Variants in TASOR2 observed in about 807,000 individuals in gnomAD.
TASOR2 encodes the protein protein TASOR 2.
A neutral mutation model predicts 199.5 loss-of-function variants in TASOR2; 84 were observed. That is an observed-to-expected ratio of 0.42 (90% CI 0.35 to 0.50). TASOR2 has a LOEUF of 0.50. Among genes scored for constraint, TASOR2 ranks in the 20% least tolerant of loss-of-function variants. The pLI, the probability that TASOR2 is intolerant of heterozygous loss-of-function variation, is 0.02. For synonymous variants in TASOR2, 1,103 were observed against 1,046.6 expected (o/e 1.05, Z -1.04); for missense variants, 2,796 against 2,835.9 (o/e 0.99, Z 0.32).
chr10:5,731,694 C>G lies in TASOR2; in HGVS notation c.1204+491C>G, dbSNP rs60090681. Among the ~76,000 whole-genome samples the G allele has an allele frequency of 7.8e-3, 1,192 of 152,254 alleles. 22 individuals carry two copies. The highest frequency in any genetic ancestry group is 0.027 in the African/African-American group (1,104 of 41,520). On this transcript the variant is annotated intron_variant, in intron 11 of 20. Coordinates refer to ENST00000328090, the Ensembl canonical transcript of TASOR2. ...CTCTGATTGAGATAGCAACTGAAAACCAAGAAATAGGAAAGACCAAGATAC... is the reference window on the plus strand; with the variant it reads ...CTCTGATTGAGATAGCAACTGAAAAGCAAGAAATAGGAAAGACCAAGATAC...
chr10:5,761,675 A>T, intron 19 of TASOR2: 1 of 568,826 alleles, frequency 1.8e-6, no homozygotes, highest in Non-Finnish European at 3.1e-6. Flanking sequence ...CTATGTATGT[A>T]AGTCAGTTCT....
chr10:5,763,198 TCA>T (rs1020538294), exon 21 of TASOR2: 7 of 608,984 alleles, frequency 1.1e-5, no homozygotes, highest in East Asian at 6.1e-5. Flanking sequence ...CTGAAATATG[TCA>T]CAGTGGCATT....
intron 1 of TASOR2, among the ~76,000 whole-genome samples, chr10:5,703,523 T>TTTTTGG (rs71388468): frequency 6.8e-6 from 1 of 146,058 alleles, no homozygotes; most frequent in Non-Finnish European, 1.5e-5. Context: ...TTTTTTTTTT[T>TTTTTGG]GAGACAGTCT....
exon 13 of TASOR2, chr10:5,739,684 G>C (rs762002335): frequency 6.2e-7 from 1 of 1,613,950 alleles, no homozygotes; most frequent in South Asian, 1.1e-5. Flanking sequence ...GATGGGATTA[G>C]CATAAATAGT....
chr10:5,742,266 T>C lies in TASOR2; in HGVS notation c.2497T>C (p.Cys833Arg). The change falls in exon 14 of 21, where the codon TGT (cysteine) becomes CGT (arginine). Residue 833 changes from cysteine to arginine, a missense_variant. Coordinates refer to ENST00000328090, the Ensembl canonical transcript of TASOR2. This position sits in a 1 kb window ranked among gnomAD's most constrained non-coding sequence, Gnocchi z 4.2. ...GTCTATAAATAGCACGTTAGAATCT[T>C]GTGAGCTCCGTGAAATTGAGGAGTC... 6.2e-7 allele frequency: 1 copy of C among 1,614,188 alleles called. No individual in the cohort carries two copies. The highest frequency in any genetic ancestry group is 8.5e-7 in the Non-Finnish European group (1 of 1,180,030).
intron 2 of TASOR2, chr10:5,714,191 G>A (rs929346264): frequency 2.7e-5 from 33 of 1,231,676 alleles, no homozygotes; most frequent in Non-Finnish European, 3.2e-5. Flanking sequence ...TTACCACTCT[G>A]GGTGATCCAG....
intron 1 of TASOR2, among the ~76,000 whole-genome samples, chr10:5,695,993 A>C (rs1432859779): frequency 6.6e-6 from 1 of 152,184 alleles, no homozygotes; most frequent in Non-Finnish European, 1.5e-5. Flanking sequence ...CACCCAGACA[A>C]CTACTCTCTC....
In TASOR2 at chr10:5,730,621, C is replaced by T. The variant is rs1834683112; in HGVS notation, c.622C>T (p.Arg208Cys). The change falls in exon 11 of 21, where the codon CGT becomes TGT. Residue 208 changes from arginine (R) to cysteine (C), a missense_variant. By Grantham distance (180) the Arg-to-Cys change is radical. This residue lies in a region of TASOR2 where 847 missense variants were observed against 887.4 expected (regional missense o/e 0.95). Transcript: ENST00000328090. The surrounding 1 kb of genome is among the most constrained non-coding windows in gnomAD (Gnocchi z 4.1). Reference sequence around the variant, plus strand: ...AATCCATCCAAACACATTAGTAAAGCGTCATTTCCAAGAATTGTACAAGGC... The same window carrying T: ...AATCCATCCAAACACATTAGTAAAGTGTCATTTCCAAGAATTGTACAAGGC... 4.3e-6 allele frequency: 7 copies of T among 1,614,154 alleles called. No individual in the cohort carries two copies. The highest frequency in any genetic ancestry group is 4.2e-6 in the Non-Finnish European group (5 of 1,180,020).
chr10:5,723,336 G>A (rs1024436168), intron 6 of TASOR2, among the ~76,000 whole-genome samples: 1 of 151,954 alleles, frequency 6.6e-6, no homozygotes, highest in Admixed American at 6.6e-5. Flanking sequence ...GATTACAGGC[G>A]TGAGCCACCG....
intron 10 of TASOR2, among the ~76,000 whole-genome samples, chr10:5,729,681 T>C (rs944944323): frequency 9.2e-5 from 14 of 152,382 alleles, no homozygotes; most frequent in Admixed American, 2.0e-4. Flanking sequence ...GAAGTTACTT[T>C]TCTTTAAAAA....
At chr10:5,686,231 A>G in intron 1 of TASOR2, among the ~76,000 whole-genome samples, 1 of 152,248 alleles carries the variant, frequency 6.6e-6, no homozygotes, top group East Asian at 1.9e-4. Context: ...TTTTGTGTAT[A>G]CAGAACATTT....
chr10:5,693,622 A>G (rs138798209), intron 1 of TASOR2, among the ~76,000 whole-genome samples: 7 of 152,366 alleles, frequency 4.6e-5, no homozygotes, highest in African/African-American at 1.7e-4. Context: ...GGGCAACCTC[A>G]TCCCTGGAGG....
chr10:5,721,392 T>C (rs1393112073), intron 6 of TASOR2, among the ~76,000 whole-genome samples: 1 of 152,236 alleles, frequency 6.6e-6, no homozygotes, highest in Admixed American at 6.5e-5. Flanking sequence ...TTATCATGAT[T>C]AATATTTTCT....
intron 1 of TASOR2, among the ~76,000 whole-genome samples, chr10:5,695,382 A>T (rs929703817): frequency 7.9e-5 from 12 of 152,236 alleles, no homozygotes; most frequent in African/African-American, 2.9e-4. Flanking sequence ...CTTTTTATGC[A>T]TTTGAGTAAA....
Position 5,708,535 on chromosome 10 carries a change from CCTTT to C in TASOR2, c.-287-4281_-287-4278del, listed in dbSNP as rs1172319011. Among the ~76,000 whole-genome samples, 52 of 151,060 alleles carry C rather than the reference CCTTT, an allele frequency of 3.4e-4. 2 individuals are homozygous for C. Among genetic ancestry groups the C allele is most frequent in the Admixed American group, 3.2e-3 (49 of 15,246 alleles). On this transcript the variant is annotated intron_variant, in intron 1 of 20. Transcript: ENST00000328090. ...TAACTTGCTTGCTTTCTCTTTCTTTCCTTTCTTTCTCTTTCTTTCTTTCTTTTTC... is the reference window on the plus strand; with the variant it reads ...TAACTTGCTTGCTTTCTCTTTCTTTCCTTTCTCTTTCTTTCTTTCTTTTTC...
intron 2 of TASOR2, chr10:5,714,443 C>T (rs768019794): frequency 4.9e-5 from 16 of 327,258 alleles, no homozygotes; most frequent in Middle Eastern, 8.3e-4. Context: ...TCTAAATTGT[C>T]ACAATGGCAA....
At chr10:5,749,752 A>G in exon 15 of TASOR2, 9 of 1,614,220 alleles carry the variant, frequency 5.6e-6, no homozygotes, top group Non-Finnish European at 7.6e-6. Context: ...TATTTCACTT[A>G]TTCTCAATGA....
chr10:5,748,775 G>T lies in TASOR2; in HGVS notation c.5354G>T (p.Cys1785Phe). 6.2e-7 allele frequency: 1 copy of T among 1,614,158 alleles called. No individual in the cohort carries two copies. The highest frequency in any genetic ancestry group is 8.5e-7 in the Non-Finnish European group (1 of 1,180,020). ...TCAGAATCCTTTGATACTTCTGTTT[G>T]TGGAATAGCCACAGAGCACGTAGAA... Residue 1785 changes from cysteine to phenylalanine, a missense_variant, in exon 15 of 21, where the codon TGT (cysteine) becomes TTT (phenylalanine). Cys to Phe is a radical substitution (Grantham distance 205). Coordinates refer to ENST00000328090, the Ensembl canonical transcript of TASOR2. This position sits in a 1 kb window ranked among gnomAD's most constrained non-coding sequence, Gnocchi z 5.1.
In TASOR2 at chr10:5,747,090, C is replaced by T. The variant is rs765815650; in HGVS notation, c.3669C>T (p.Cys1223=). ...TGGGAAGGCAGTGTTCACTTAACTG[C>T]ATTTCGTCAGGATGCCACACATCAG... Residue 1223 remains cysteine (C), a synonymous_variant, in exon 15 of 21, where the codon TGC becomes TGT. Transcript: ENST00000328090. 55 of 1,614,006 alleles carry T rather than the reference C, an allele frequency of 3.4e-5. No individual in the cohort carries two copies. The African/African-American group carries it at 6.9e-4, about 20-fold the overall frequency.
Sources: gnomAD v4.1 joint callset for allele counts (sites outside exome capture counted in the v4.1 genomes callset) on GRCh38, gnomAD v4.1.1 for gene constraint, gnomAD v4.1.1 regional missense constraint, Gnocchi (gnomAD v3.1) non-coding constraint, MANE v1.5 for transcripts, NCBI Gene and HGNC (gene_info 2026-07-23, HGNC 2026-07-21) for gene names.